The following SSBP2 variants were observed in gnomAD, a reference collection of about 807,000 sequenced individuals.
The protein encoded by SSBP2 is single-stranded DNA-binding protein 2.
A neutral mutation model predicts 61.8 loss-of-function variants in SSBP2; 17 were observed. That is an observed-to-expected ratio of 0.28 (90% confidence interval 0.19 to 0.41). The LOEUF (loss-of-function observed/expected upper bound fraction) is 0.41. Among genes scored for constraint, SSBP2 ranks in the 10% least tolerant of loss-of-function variants. SSBP2 has a pLI of 1.00. For synonymous variants in SSBP2, 139 were observed against 141.3 expected (o/e 0.98, Z 0.12); for missense variants, 310 against 458.7 (o/e 0.68, Z 2.96).
intron 14 of SSBP2, 54 bp downstream of exon 14, chr5:81,440,504 A>G: frequency 6.7e-7 from 1 of 1,483,522 alleles, no homozygotes; most frequent in Non-Finnish European, 9.4e-7. Flanking sequence ...TGCACTAGGT[A>G]GAATTAAGGT....
chr5:81,538,700 A>T (rs1771006925), intron 4 of SSBP2, among the ~76,000 whole-genome samples: 1 of 152,208 alleles, frequency 6.6e-6, no homozygotes, highest in Admixed American at 6.5e-5. Flanking sequence ...CCATTCTGAA[A>T]ATCCTATGGC....
intron 1 of SSBP2, among the ~76,000 whole-genome samples, chr5:81,743,051 T>C (rs1164919750): frequency 6.6e-6 from 1 of 152,206 alleles, no homozygotes; most frequent in African/African-American, 2.4e-5. Context: ...CTTAGTTATT[T>C]CTATAATCAT....
chr5:81,631,516 A>T (rs1747719885), intron 3 of SSBP2, among the ~76,000 whole-genome samples: 1 of 151,664 alleles, frequency 6.6e-6, no homozygotes, highest in African/African-American at 2.4e-5. Context: ...TGTCCATGTA[A>T]ATACATGGAC....
At chr5:81,577,915 T>C (rs1774353566) in intron 4 of SSBP2, among the ~76,000 whole-genome samples, 1 of 152,010 alleles carries the variant, frequency 6.6e-6, no homozygotes, top group Non-Finnish European at 1.5e-5. Context: ...ATATACCAGA[T>C]TGTACTAAAC....
intron 8 of SSBP2, among the ~76,000 whole-genome samples, chr5:81,468,798 A>G (rs1372026986): frequency 1.3e-5 from 2 of 151,990 alleles, no homozygotes; most frequent in Non-Finnish European, 2.9e-5. Flanking sequence ...CTTTAAGGAA[A>G]TCTCATTTAA....
intron 1 of SSBP2, among the ~76,000 whole-genome samples, chr5:81,658,011 A>G (rs1286735035): frequency 2.0e-5 from 3 of 152,186 alleles, no homozygotes; most frequent in Non-Finnish European, 4.4e-5. Flanking sequence ...AATCAAGCTA[A>G]TTAACATATC....
In SSBP2 at chr5:81,415,414, G is replaced by A. The variant is rs1266273157; in HGVS notation, c.*5090C>T. The A allele has an allele frequency of 6.6e-6, 1 of 151,950 alleles. No homozygotes were observed. Among genetic ancestry groups the A allele is most frequent in the Non-Finnish European group, 1.5e-5 (1 of 68,014 alleles). 9.4% of individuals were successfully genotyped at this position (151,950 alleles called of 1,614,324 possible). ...CCTCCAATATACTTCAAATCATCTCGTTTACTTATAATACCTAATACAATG... is the reference window on the plus strand; with the variant it reads ...CCTCCAATATACTTCAAATCATCTCATTTACTTATAATACCTAATACAATG... On this transcript the variant is annotated 3_prime_UTR_variant, in exon 17 of 17. Transcript: ENST00000320672.
At chr5:81,722,398 T>TTG (rs71000856) in intron 1 of SSBP2, among the ~76,000 whole-genome samples, 1 of 61,412 alleles carries the variant, frequency 1.6e-5, no homozygotes, top group Non-Finnish European at 5.6e-5. Flanking sequence ...TATAATTTTG[T>TTG]TTTTTTTTTT....
chr5:81,681,702 A>G (rs1044170603), intron 1 of SSBP2, among the ~76,000 whole-genome samples: 2 of 152,122 alleles, frequency 1.3e-5, no homozygotes, highest in African/African-American at 4.8e-5. Flanking sequence ...AATCCAAAAT[A>G]AGCCAGAGGA....
chr5:81,494,226 C>G (rs1290285213), intron 5 of SSBP2, among the ~76,000 whole-genome samples: 1 of 152,118 alleles, frequency 6.6e-6, no homozygotes, highest in African/African-American at 2.4e-5. Context: ...AAGATCAAGG[C>G]TATGCTTTTA....
chr5:81,689,264 T>A (rs368564357), intron 1 of SSBP2, among the ~76,000 whole-genome samples: 1 of 152,092 alleles, frequency 6.6e-6, no homozygotes, highest in African/African-American at 2.4e-5. Flanking sequence ...AGTTATTGGC[T>A]GTAAAGAGGT....
chr5:81,513,704 G>T lies in SSBP2; in HGVS notation c.296C>A (p.Ala99Asp). The change falls in exon 5 of 17, where the codon GCT becomes GAT. Residue 99 changes from alanine to aspartate, a missense_variant. Ala to Asp is a moderately radical substitution (Grantham distance 126). This residue lies in a region of SSBP2 where 209 missense variants were observed against 286.4 expected (regional missense o/e 0.73). Transcript: ENST00000320672. The stretch of plus-strand genomic sequence containing the variant: ...AATGTTTCCTAGCACTGGACTGGGA[G>T]CTGCTGCAGCACTCTGCAAAGAATA... The T allele has an allele frequency of 6.2e-7, 1 of 1,611,296 alleles. No homozygotes were observed. The highest frequency in any genetic ancestry group is 8.5e-7 in the Non-Finnish European group (1 of 1,177,822).
chr5:81,675,162 C>A (rs541220198), intron 1 of SSBP2, among the ~76,000 whole-genome samples: 1 of 152,294 alleles, frequency 6.6e-6, no homozygotes, highest in South Asian at 2.1e-4. Context: ...CATGCACACA[C>A]ACACAATTTT....
chr5:81,517,701 A>C (rs773218231), intron 4 of SSBP2, among the ~76,000 whole-genome samples: 1 of 151,850 alleles, frequency 6.6e-6, no homozygotes, highest in African/African-American at 2.4e-5. Flanking sequence ...ATCATTTCCC[A>C]TTTCCCCATT....
intron 15 of SSBP2, among the ~76,000 whole-genome samples, chr5:81,434,930 A>AGG (rs1762581274): frequency 6.6e-6 from 1 of 152,130 alleles, no homozygotes; most frequent in Non-Finnish European, 1.5e-5. Flanking sequence ...AATCTGGGGC[A>AGG]GGGGGTATAC....
At chr5:81,427,273 T>C (rs1217670464) in intron 16 of SSBP2, among the ~76,000 whole-genome samples, 1 of 152,226 alleles carries the variant, frequency 6.6e-6, no homozygotes, top group Non-Finnish European at 1.5e-5. Flanking sequence ...GCATTATGAC[T>C]TAAATTATGT....
intron 1 of SSBP2, among the ~76,000 whole-genome samples, chr5:81,665,363 T>C (rs958454445): frequency 1.1e-4 from 17 of 152,226 alleles, no homozygotes; most frequent in African/African-American, 4.1e-4. Context: ...CACTGATGGA[T>C]GGATATATCT....
intron 5 of SSBP2, among the ~76,000 whole-genome samples, chr5:81,510,588 C>T (rs1009471131): frequency 8.0e-4 from 121 of 152,050 alleles, no homozygotes; most frequent in Non-Finnish European, 4.1e-4. Flanking sequence ...GGGGGAAACC[C>T]TGTCTCTACT....
intron 14 of SSBP2, among the ~76,000 whole-genome samples, chr5:81,439,461 G>GCTTCA (rs1762872822): frequency 6.6e-6 from 1 of 151,032 alleles, no homozygotes; most frequent in African/African-American, 2.4e-5. Context: ...CAGCTATTTA[G>GCTTCA]CTTCATATGG....
Sources: gnomAD v4.1 joint callset for allele counts (sites outside exome capture counted in the v4.1 genomes callset) on GRCh38, gnomAD v4.1.1 for gene constraint, gnomAD v4.1.1 regional missense constraint, MANE v1.5 for transcripts, NCBI Gene and HGNC (gene_info 2026-07-23, HGNC 2026-07-21) for gene names.